Variants in CLCA1 observed in about 807,000 individuals in gnomAD.
CLCA1 encodes chloride channel accessory 1.
In CLCA1, 59 loss-of-function variants were observed where a neutral mutation model predicts 85.6. The ratio of observed to expected loss-of-function variants is 0.69; its 90% CI spans 0.56 to 0.86. The LOEUF is 0.86. Ranked by LOEUF, CLCA1 falls within the 40% of genes least tolerant of loss-of-function variation. CLCA1 has a pLI of 0.00. For synonymous variants in CLCA1, 396 were observed against 398.3 expected, an observed-to-expected ratio of 0.99 and a Z score of 0.07; for missense variants, 1,022 against 1,101.4, an observed-to-expected ratio of 0.93 and a Z score of 1.02.
chr1:86,481,004 T>C (rs930118348), intron 4 of CLCA1, among the ~76,000 whole-genome samples: 1 of 152,222 alleles, frequency 6.6e-6, no homozygotes, highest in Non-Finnish European at 1.5e-5. Context: ...AAATTGGATA[T>C]GAAATTTTGT....
At chr1:86,493,218 G>A (rs570877716) in intron 9 of CLCA1, among the ~76,000 whole-genome samples, 166 bp from the exon 10 acceptor site, 3 of 152,186 alleles carry the variant, frequency 2.0e-5, no homozygotes, top group African/African-American at 7.2e-5. Context: ...GCTAAGGCTA[G>A]AAAGGTAACT....
chr1:86,485,455 A>T lies in CLCA1; in HGVS notation c.848A>T (p.Lys283Met). The T allele has an allele frequency of 6.2e-7, 1 of 1,614,220 alleles. No individual in the cohort carries two copies. The highest frequency in any genetic ancestry group is 8.5e-7 in the Non-Finnish European group (1 of 1,180,018). The change falls in exon 6 of 14, where the codon AAG becomes ATG. Residue 283 changes from lysine to methionine, a missense_variant. Transcript: ENST00000394711. The stretch of plus-strand genomic sequence containing the variant: ...GTGATCCGTGATTCTGAGGACTTTA[A>T]GAAAACCACTCCTATGACAACACAG... ...WEVIRDSEDF[K>M]KTTPMTTQPP...
intron 1 of CLCA1, among the ~76,000 whole-genome samples, chr1:86,470,525 A>G (rs144082508): frequency 1.0e-3 from 153 of 152,312 alleles, no homozygotes; most frequent in Admixed American, 3.3e-3. Context: ...GGTAATTTGT[A>G]TCTACAGTAT....
In CLCA1 at chr1:86,497,263, A is replaced by G. The variant is rs115831288; in HGVS notation, c.2114-1309A>G. On this transcript the variant is annotated intron_variant, in intron 12 of 13. Coordinates refer to ENST00000394711, the MANE Select transcript of CLCA1 (RefSeq NM_001285.4). ...TTCCCTCTATCCCTCGATAAGCCTT[A>G]ATGGCAGTCTCTACTGGTGCTTTCA... 7.6e-3 allele frequency among the ~76,000 whole-genome samples: 1,164 copies of G among 152,340 alleles called. 17 individuals are homozygous for G. The highest frequency in any genetic ancestry group is 0.027 in the African/African-American group (1,134 of 41,572).
intron 4 of CLCA1, among the ~76,000 whole-genome samples, chr1:86,477,397 C>T (rs1047175052): frequency 1.3e-5 from 2 of 152,156 alleles, no homozygotes; most frequent in South Asian, 2.1e-4. Flanking sequence ...AAACCTTGCG[C>T]GATGTCAGTA....
At position 86,497,941 on chromosome 1, in the gene CLCA1, G is replaced by A. The variant is rs545958523; in HGVS notation, c.2114-631G>A. On this transcript the variant is annotated intron_variant, in intron 12 of 13. Transcript: ENST00000394711. ...GTGGATCACCTGAGGTTAGGAGTTC[G>A]AGACCAGGCTGGCCAACATGGTGAA... Among the ~76,000 whole-genome samples the A allele has an allele frequency of 2.1e-3, 313 of 152,172 alleles. 2 individuals are homozygous for A. Among genetic ancestry groups the A allele is most frequent in the Non-Finnish European group, 3.7e-3 (254 of 67,990 alleles).
At chr1:86,495,266 G>A (rs1358903858) in intron 11 of CLCA1, among the ~76,000 whole-genome samples, 2 of 152,100 alleles carry the variant, frequency 1.3e-5, no homozygotes, top group African/African-American at 2.4e-5. Context: ...ACACAGAAAC[G>A]ATACCATCTT....
At chr1:86,469,973 T>C (rs1275493032) in intron 1 of CLCA1, among the ~76,000 whole-genome samples, 1 of 152,226 alleles carries the variant, frequency 6.6e-6, no homozygotes, top group Non-Finnish European at 1.5e-5. Flanking sequence ...TACGGTGCAA[T>C]ACTTTGCATG....
intron 5 of CLCA1, 22 bp from the exon 6 acceptor site, chr1:86,485,321 A>G (rs1570284796): frequency 6.5e-7 from 1 of 1,547,110 alleles, no homozygotes; most frequent in Non-Finnish European, 8.9e-7. Flanking sequence ...CATTATCTAT[A>G]TAATTTCATT....
rs539839350 is a variant in CLCA1, at chr1:86,474,459, CAGG to C, written c.451+586_451+588del. Among the ~76,000 whole-genome samples, 946 of 151,472 alleles carry C rather than the reference CAGG, an allele frequency of 6.2e-3. 5 individuals are homozygous for C. Among genetic ancestry groups the C allele is most frequent in the Middle Eastern group, 0.027 (8 of 292 alleles). ...GTCCCAGCTATTTGGGAGGCTGAGG[CAGG>C]AGAATGGCGTGAACCCGGGAGGCGG... On this transcript the variant is annotated intron_variant, in intron 3 of 13. Transcript: ENST00000394711.
At chr1:86,483,035 C>A (rs567068000) in intron 5 of CLCA1, among the ~76,000 whole-genome samples, 1 of 152,194 alleles carries the variant, frequency 6.6e-6, no homozygotes, top group East Asian at 1.9e-4. Flanking sequence ...GTCTTCCAGT[C>A]TCATATAAAA....
At position 86,485,943 on chromosome 1, in the gene CLCA1, C is replaced by T. The variant is rs556316902; in HGVS notation, c.954+382C>T. Among the ~76,000 whole-genome samples the T allele has an allele frequency of 2.6e-5, 4 of 152,012 alleles. No homozygotes were observed. In the South Asian group the frequency reaches 8.3e-4, roughly 32 times the overall value. On this transcript the variant is annotated intron_variant, in intron 6 of 13. Coordinates refer to ENST00000394711, the MANE Select transcript of CLCA1 (RefSeq NM_001285.4). ...AAGAGGTTTAATCAACTCACAGTTC[C>T]ACACGGCTGGGGAGGCCTCAGGAAA...
intron 1 of CLCA1, among the ~76,000 whole-genome samples, chr1:86,472,291 C>A (rs1204746267): frequency 6.6e-6 from 1 of 152,144 alleles, no homozygotes; most frequent in African/African-American, 2.4e-5. Context: ...AGTTCTTAGT[C>A]CTCATATGAA....
In CLCA1 at chr1:86,476,454, C is replaced by T. The variant is rs745859335; in HGVS notation, c.458C>T (p.Ala153Val). The change falls in exon 4 of 14, where the codon GCA (alanine) becomes GTA (valine). Residue 153 changes from alanine to valine, a missense_variant. By Grantham distance (64) the Ala-to-Val change is moderately conservative. Transcript: ENST00000394711. ...KLAEYGPQGR[A>V]FVHEWAHLRW... ...TTAAAATACTTTCTCACAGGTAGGG[C>T]ATTTGTCCATGAGTGGGCTCATCTA... 4.5e-6 allele frequency: 7 copies of T among 1,554,832 alleles called. No homozygotes were observed. Among genetic ancestry groups the T allele is most frequent in the Non-Finnish European group, 6.2e-6 (7 of 1,128,376 alleles).
intron 8 of CLCA1, among the ~76,000 whole-genome samples, chr1:86,490,679 A>G (rs1224924264): frequency 1.3e-5 from 2 of 152,208 alleles, no homozygotes; most frequent in Non-Finnish European, 2.9e-5. Flanking sequence ...TCATAAATTA[A>G]TATCAAATCA....
At position 86,477,178 on chromosome 1, in the gene CLCA1, A is replaced by T. The variant is rs561195055; in HGVS notation, c.557+625A>T. On this transcript the variant is annotated intron_variant, in intron 4 of 13. Coordinates refer to ENST00000394711, the MANE Select transcript of CLCA1 (RefSeq NM_001285.4). ...CTTATGTTGCCCAGGCTAGTGTTGAACTCCTGGACTCAAGAGATCCTCCCA... is the reference window on the plus strand; with the variant it reads ...CTTATGTTGCCCAGGCTAGTGTTGATCTCCTGGACTCAAGAGATCCTCCCA... Among the ~76,000 whole-genome samples, 8 of 151,854 alleles carry T rather than the reference A, an allele frequency of 5.3e-5. No individual in the cohort carries two copies. The East Asian group carries it at 1.6e-3, about 29-fold the overall frequency.
intron 4 of CLCA1, among the ~76,000 whole-genome samples, chr1:86,480,585 C>T (rs949417773): frequency 7.2e-5 from 11 of 151,978 alleles, no homozygotes; most frequent in African/African-American, 2.7e-4. Flanking sequence ...CATGATCACA[C>T]CACTGCATTC....
In CLCA1 at chr1:86,499,762, C is replaced by T; in HGVS notation, c.2462C>T (p.Ser821Phe). The change falls in exon 14 of 14, where the codon TCT (serine) becomes TTT (phenylalanine). Residue 821 changes from serine to phenylalanine, a missense_variant. By Grantham distance (155) the Ser-to-Phe change is radical. Transcript: ENST00000394711. ...GCTCTCATCCCAAAGGAAGCCAACT[C>T]TGAGGAAGTCTTTTTGTTTAAACCA... is the stretch of plus-strand genomic sequence containing the variant. Reference protein sequence around the residue: ...TTALIPKEANSEEVFLFKPEN... With the variant: ...TTALIPKEANFEEVFLFKPEN... 2 of 1,613,752 alleles carry T rather than the reference C, an allele frequency of 1.2e-6. No homozygotes were observed. The highest frequency in any genetic ancestry group is 1.7e-6 in the Non-Finnish European group (2 of 1,179,662).
rs1257598281 is a variant in CLCA1 at position 86,478,695 on chromosome 1, G to A, written c.557+2142G>A. ...GCCTTGGCAGAAAGGGTGATTAGTA[G>A]TATTTCCTTCTAGAGATATTCTAGA... On this transcript the variant is annotated intron_variant, in intron 4 of 13. Coordinates refer to ENST00000394711, the MANE Select transcript of CLCA1 (RefSeq NM_001285.4). Among the ~76,000 whole-genome samples, 8 of 152,240 alleles carry A rather than the reference G, an allele frequency of 5.3e-5. No homozygotes were observed. The East Asian group carries it at 1.5e-3, about 29-fold the overall frequency.
Sources: allele counts gnomAD v4.1 joint callset (sites outside exome capture counted in the v4.1 genomes callset), GRCh38; gene constraint gnomAD v4.1.1; transcripts MANE v1.5; gene names NCBI Gene and HGNC (gene_info 2026-07-23, HGNC 2026-07-21).